The following SLC35D2 variants were observed in gnomAD, a reference collection of about 807,000 sequenced individuals.
SLC35D2 encodes the protein solute carrier family 35 member D2.
Under a neutral mutation model 41.8 loss-of-function variants are expected in SLC35D2, and 43 were observed. The ratio of observed to expected loss-of-function variants is 1.03; its 90% CI spans 0.81 to 1.33. SLC35D2 has a LOEUF of 1.33. SLC35D2 is among the 40% of genes most tolerant of loss of function. The pLI is 0.00. For missense variants in SLC35D2, 380 were observed against 408.4 expected (o/e 0.93, Z 0.60); for synonymous variants, 150 against 163.9 (o/e 0.92, Z 0.65).
In SLC35D2 at chr9:96,346,696, T is replaced by C. The variant is rs549501295; in HGVS notation, c.489-1295A>G. ...AGAGAATGAAACACAGAGCAAAAAT[T>C]CTACCAAAATCTGAATGCAAATTAA... On this transcript the variant is annotated intron_variant, in intron 6 of 11. Transcript: ENST00000253270. Among the ~76,000 whole-genome samples the C allele has an allele frequency of 2.6e-5, 4 of 152,246 alleles. No individual in the cohort carries two copies. In the East Asian group the frequency reaches 7.7e-4, roughly 29 times the overall value.
intron 7 of SLC35D2, 35 bp from the exon 8 acceptor site, chr9:96,344,031 C>A: frequency 7.2e-7 from 1 of 1,397,930 alleles, no homozygotes; most frequent in South Asian, 1.3e-5. Context: ...CACTCAGTTT[C>A]AGAAACGTGA....
Position 96,315,644 on chromosome 9 carries a change from G to A in SLC35D2, c.*1036-745C>T, listed in dbSNP as rs1181552144. On this transcript the variant is annotated intron_variant and NMD_transcript_variant, in intron 11 of 11. Transcript: ENST00000650065. ...GTGACGGGGTTTCACCATGTTAGCC[G>A]GGATGGTCTCCATCTCCTGACCTTG... Among the ~76,000 whole-genome samples, 6 of 151,768 alleles carry A rather than the reference G, an allele frequency of 4.0e-5. No individual in the cohort carries two copies. In the East Asian group the frequency reaches 7.7e-4, roughly 20 times the overall value.
In SLC35D2 at chr9:96,345,316, G is replaced by T; in HGVS notation, c.574C>A (p.Gln192Lys). 6.2e-7 allele frequency: 1 copy of T among 1,603,990 alleles called. No homozygotes were observed. Among genetic ancestry groups the T allele is most frequent in the Non-Finnish European group, 8.5e-7 (1 of 1,173,268 alleles). Reference protein sequence around the residue: ...FTAANGVYTKQKMDPKELGKY... With the variant: ...FTAANGVYTKKKMDPKELGKY... The stretch of plus-strand genomic sequence containing the variant: ...TCTGGTACCTTTGGGTCCATTTTCT[G>T]TTTGGTATAAACTCCATTTGCTGCT... The change falls in exon 7 of 12, where the codon CAG (glutamine) becomes AAG (lysine). Residue 192 changes from glutamine (Q) to lysine (K), a missense_variant. By Grantham distance (53) the Gln-to-Lys change is moderately conservative. Transcript: ENST00000253270.
chr9:96,350,439 C>T (rs910975038), intron 6 of SLC35D2, among the ~76,000 whole-genome samples: 2 of 143,144 alleles, frequency 1.4e-5, no homozygotes, highest in Non-Finnish European at 3.0e-5. Flanking sequence ...GGTGATATTC[C>T]CACCTAGGCT....
chr9:96,342,904 G>A (rs1314096605), intron 8 of SLC35D2, among the ~76,000 whole-genome samples: 2 of 152,198 alleles, frequency 1.3e-5, no homozygotes, highest in African/African-American at 4.8e-5. Flanking sequence ...CACCCATGCT[G>A]ATTGCTAAAT....
chr9:96,321,455 A>T (rs1021097731), intron 11 of SLC35D2, 114 bp from the exon 12 acceptor site: 6 of 690,856 alleles, frequency 8.7e-6, no homozygotes, highest in Non-Finnish European at 1.2e-5. Context: ...AATTATTCCA[A>T]TATCTGTGTT....
chr9:96,317,122 A>G (rs975854539), downstream of SLC35D2, among the ~76,000 whole-genome samples: 1 of 151,026 alleles, frequency 6.6e-6, no homozygotes, highest in African/African-American at 2.5e-5. Flanking sequence ...TGGGAGACAG[A>G]GCAAGACTCC....
At chr9:96,376,069 G>T (rs1830938849) in intron 1 of SLC35D2, among the ~76,000 whole-genome samples, 2 of 151,838 alleles carry the variant, frequency 1.3e-5, no homozygotes, top group African/African-American at 4.8e-5. Flanking sequence ...GCTGAGGCAG[G>T]CGAATCACGA....
At chr9:96,382,496 C>CACTATATATA (rs200897475) in intron 1 of SLC35D2, among the ~76,000 whole-genome samples, 12 of 127,912 alleles carry the variant, frequency 9.4e-5, no homozygotes, top group African/African-American at 2.9e-4. Context: ...CACACACACA[C>CACTATATATA]TATATATATA....
intron 5 of SLC35D2, among the ~76,000 whole-genome samples, chr9:96,351,684 AC>A (rs1439711276): frequency 6.6e-6 from 1 of 152,034 alleles, no homozygotes; most frequent in Non-Finnish European, 1.5e-5. Context: ...TATCCCTCAT[AC>A]CCTGCACAAC....
At chr9:96,331,234 G>A (rs1828795382) in intron 9 of SLC35D2, among the ~76,000 whole-genome samples, 1 of 152,156 alleles carries the variant, frequency 6.6e-6, no homozygotes, top group Non-Finnish European at 1.5e-5. Context: ...AAACAGGTAT[G>A]GACAAAGACA....
Position 96,343,989 on chromosome 9 carries a change from C to T in SLC35D2, c.599G>A (p.Gly200Glu). ...TKQKMDPKELGKYGVLFYNAC... is the reference protein window; with the variant it reads ...TKQKMDPKELEKYGVLFYNAC... ...ATTGTAGAAAAGTACTCCGTATTTC[C>T]CTAGCTCCTGCAAAAACAAAAATGT... Residue 200 changes from glycine (G) to glutamate (E), a missense_variant, in exon 8 of 12, where the codon GGG becomes GAG. Coordinates refer to ENST00000253270, the MANE Select transcript of SLC35D2 (RefSeq NM_007001.3). The T allele has an allele frequency of 6.3e-7, 1 of 1,584,358 alleles. No individual in the cohort carries two copies. Among genetic ancestry groups the T allele is most frequent in the African/African-American group, 1.4e-5 (1 of 73,022 alleles).
intron 1 of SLC35D2, among the ~76,000 whole-genome samples, chr9:96,372,608 C>T (rs1354204085): frequency 5.9e-5 from 5 of 84,906 alleles, no homozygotes; most frequent in Non-Finnish European, 8.4e-5. Context: ...TTTTTGAGAA[C>T]GAATCTCACT....
In SLC35D2 at chr9:96,373,057, G is replaced by A. The variant is rs559980013; in HGVS notation, c.159-4752C>T. Among the ~76,000 whole-genome samples the A allele has an allele frequency of 3.3e-5, 5 of 151,622 alleles. No individual in the cohort carries two copies. In the South Asian group the frequency reaches 8.3e-4, roughly 25 times the overall value. ...TGGGATTACAGGCACCCACCACCAC[G>A]CCTGGCTAATTTTTGTATATTTAGT... On this transcript the variant is annotated intron_variant, in intron 1 of 11. Coordinates refer to ENST00000253270, the MANE Select transcript of SLC35D2 (RefSeq NM_007001.3).
intron 2 of SLC35D2, among the ~76,000 whole-genome samples, chr9:96,367,847 G>A (rs1300913656): frequency 1.3e-5 from 2 of 151,964 alleles, no homozygotes; most frequent in African/African-American, 4.8e-5. Flanking sequence ...AGGGCAGCAT[G>A]GTGGGTCCCA....
At chr9:96,343,797 G>A in intron 8 of SLC35D2, 107 bp downstream of exon 8, 1 of 639,694 alleles carries the variant, frequency 1.6e-6, no homozygotes, top group Non-Finnish European at 2.6e-6. Flanking sequence ...TACCCTCCTG[G>A]TAGTCCTAGC....
chr9:96,363,570 T>C (rs1158540037), intron 3 of SLC35D2, among the ~76,000 whole-genome samples: 2 of 152,190 alleles, frequency 1.3e-5, no homozygotes, highest in Non-Finnish European at 2.9e-5. Context: ...TTAGTTCCAT[T>C]CCACAGTCCA....
intron 8 of SLC35D2, 103 bp downstream of exon 8, chr9:96,343,801 T>C: frequency 1.5e-6 from 1 of 669,472 alleles, no homozygotes; most frequent in Non-Finnish European, 2.4e-6. Flanking sequence ...CTCCTGGTAG[T>C]CCTAGCTAAC....
At chr9:96,361,605 G>C (rs375813525) in intron 3 of SLC35D2, among the ~76,000 whole-genome samples, 4 of 151,890 alleles carry the variant, frequency 2.6e-5, no homozygotes, top group Non-Finnish European at 1.5e-5. Context: ...GGATCACTTG[G>C]ACCCATGAGT....
Sources: gnomAD v4.1 joint callset for allele counts (sites outside exome capture counted in the v4.1 genomes callset) on GRCh38, gnomAD v4.1.1 for gene constraint, MANE v1.5 for transcripts, NCBI Gene and HGNC (gene_info 2026-07-23, HGNC 2026-07-21) for gene names.